Variants in SLC25A21 observed in about 807,000 individuals in gnomAD.
SLC25A21 encodes the protein solute carrier family 25 member 21, also known as mitochondrial 2-oxodicarboxylate carrier.
In SLC25A21, 47 loss-of-function variants were observed where a neutral mutation model predicts 43.8. The observed-to-expected ratio is 1.07, with a 90% CI of 0.85 to 1.37. The LOEUF (loss-of-function observed/expected upper bound fraction) is 1.37, where lower values mean the gene tolerates loss of function less well. SLC25A21 is among the 40% of genes most tolerant of loss of function. SLC25A21 has a pLI of 0.00. For synonymous variants in SLC25A21, 131 were observed against 121.3 expected (o/e 1.08, Z -0.52); for missense variants, 352 against 350.2 (o/e 1.00, Z -0.04).
intron 3 of SLC25A21, among the ~76,000 whole-genome samples, chr14:36,810,238 C>T (rs1260951348): frequency 6.6e-6 from 1 of 152,160 alleles, no homozygotes; most frequent in East Asian, 1.9e-4. Context: ...GCCAATTCCA[C>T]TATGTAAGGA....
Position 36,679,376 on chromosome 14 carries a change from T to G in SLC25A21, c.*1282A>C. On this transcript the variant is annotated 3_prime_UTR_variant, in exon 10 of 10. Transcript: ENST00000331299. ...AAGTAATAATTACCATGTTATCTTTTACTTTTTATTTTCAAAATGCTTTAG... is the reference window on the plus strand; with the variant it reads ...AAGTAATAATTACCATGTTATCTTTGACTTTTTATTTTCAAAATGCTTTAG... 1 of 977,922 alleles carries G rather than the reference T, an allele frequency of 1.0e-6. No homozygotes were observed. The highest frequency in any genetic ancestry group is 1.1e-4 in the East Asian group (1 of 8,768). The allele number at this position is 977,922 out of a possible 1,614,324, so 60.6% of individuals were successfully genotyped here.
At chr14:37,035,506 G>A (rs1314824186) in intron 1 of SLC25A21, among the ~76,000 whole-genome samples, 1 of 152,202 alleles carries the variant, frequency 6.6e-6, no homozygotes, top group Non-Finnish European at 1.5e-5. Context: ...AGTGTCTCTT[G>A]TCTGGGGAGG....
intron 1 of SLC25A21, among the ~76,000 whole-genome samples, chr14:37,142,609 G>A (rs972261456): frequency 2.6e-5 from 4 of 152,166 alleles, no homozygotes; most frequent in African/African-American, 7.2e-5. Context: ...CAATCCTCCC[G>A]AGTAGCTGGG....
intron 1 of SLC25A21, among the ~76,000 whole-genome samples, chr14:37,158,753 A>C (rs903767250): frequency 4.6e-5 from 7 of 152,154 alleles, no homozygotes; most frequent in Non-Finnish European, 2.9e-5. Flanking sequence ...CAAGAGAAAG[A>C]AATAAAAGGC....
intron 1 of SLC25A21, among the ~76,000 whole-genome samples, chr14:36,926,098 A>G (rs1329934922): frequency 2.0e-5 from 3 of 152,132 alleles, no homozygotes; most frequent in African/African-American, 7.2e-5. Flanking sequence ...AAAATAGAAC[A>G]TAGGCTGGAT....
intron 3 of SLC25A21, among the ~76,000 whole-genome samples, chr14:36,782,783 C>T (rs1439952954): frequency 7.5e-6 from 1 of 133,814 alleles, no homozygotes; most frequent in African/African-American, 2.9e-5. Flanking sequence ...AGGGGAATAT[C>T]ACACTCTGGG....
Position 36,680,700 on chromosome 14 carries a change from C to A in SLC25A21, c.858G>T (p.Leu286=), listed in dbSNP as rs1594480895. ...GCCATGAATAGGTGTATTCATAAAC[C>A]AGCAGCATCACTGCACCACCTAGAA... The part of the protein sequence containing the change: ...RLGPGGAVML[L]VYEYTYSWLQ... Residue 286 remains leucine (L), a synonymous_variant, in exon 10 of 10, where the codon CTG becomes CTT. Transcript: ENST00000331299. 6.2e-7 allele frequency: 1 copy of A among 1,612,414 alleles called. No individual in the cohort carries two copies. Among genetic ancestry groups the A allele is most frequent in the East Asian group, 2.2e-5 (1 of 44,778 alleles).
chr14:37,099,852 T>C (rs543076848), intron 1 of SLC25A21, among the ~76,000 whole-genome samples: 9 of 152,186 alleles, frequency 5.9e-5, no homozygotes, highest in African/African-American at 2.2e-4. Flanking sequence ...GGTAAGAACC[T>C]AGGTGTTACT....
At chr14:37,072,601 G>A (rs929069207) in intron 1 of SLC25A21, among the ~76,000 whole-genome samples, 2 of 152,194 alleles carry the variant, frequency 1.3e-5, no homozygotes, top group African/African-American at 4.8e-5. Flanking sequence ...ACAAAACTTA[G>A]TTGGGCGTGG....
intron 1 of SLC25A21, among the ~76,000 whole-genome samples, chr14:37,085,501 C>T (rs1962467203): frequency 6.6e-6 from 1 of 152,158 alleles, no homozygotes; most frequent in Non-Finnish European, 1.5e-5. Context: ...TTTTTCTCAT[C>T]AGTGAGATGA....
At chr14:36,961,042 G>A (rs561014006) in intron 1 of SLC25A21, among the ~76,000 whole-genome samples, 2 of 152,198 alleles carry the variant, frequency 1.3e-5, no homozygotes, top group South Asian at 2.1e-4. Context: ...GGTTTGAGGT[G>A]TTGGTTCTCA....
chr14:36,765,218 T>A (rs1886368922), intron 3 of SLC25A21, among the ~76,000 whole-genome samples: 1 of 152,202 alleles, frequency 6.6e-6, no homozygotes, highest in Non-Finnish European at 1.5e-5. Flanking sequence ...CCAGGCTGCA[T>A]GAAGAGGCCC....
At chr14:36,712,462 G>A (rs1427883710) in intron 6 of SLC25A21, among the ~76,000 whole-genome samples, 1 of 151,948 alleles carries the variant, frequency 6.6e-6, no homozygotes, top group South Asian at 2.1e-4. Context: ...CAGACTAAAA[G>A]TATTTTCTTA....
chr14:36,684,250 T>C (rs1356722730), intron 8 of SLC25A21, among the ~76,000 whole-genome samples: 1 of 152,190 alleles, frequency 6.6e-6, no homozygotes, highest in African/African-American at 2.4e-5. Flanking sequence ...ATGCAGTTTA[T>C]ATCAAAATAA....
intron 1 of SLC25A21, among the ~76,000 whole-genome samples, chr14:36,997,103 G>A (rs1024764123): frequency 3.3e-5 from 5 of 152,098 alleles, no homozygotes; most frequent in Non-Finnish European, 4.4e-5. Flanking sequence ...CAAGGATTAC[G>A]ATGTGGGAAC....
chr14:37,166,839 G>C (rs1016549613), intron 1 of SLC25A21, among the ~76,000 whole-genome samples: 10 of 152,180 alleles, frequency 6.6e-5, no homozygotes, highest in Non-Finnish European at 1.2e-4. Context: ...CAAACAATTA[G>C]TGAGAGGAAA....
intron 1 of SLC25A21, among the ~76,000 whole-genome samples, chr14:36,921,655 G>C (rs973635808): frequency 4.6e-5 from 7 of 152,112 alleles, no homozygotes; most frequent in Admixed American, 3.3e-4. Flanking sequence ...GCAGATTTTG[G>C]AATAGTGGTT....
intron 3 of SLC25A21, among the ~76,000 whole-genome samples, chr14:36,782,691 C>T (rs1170829713): frequency 6.6e-6 from 1 of 151,624 alleles, no homozygotes; most frequent in African/African-American, 2.4e-5. Context: ...TCTCAGTAAA[C>T]TATCGCAAGA....
chr14:36,979,428 T>C (rs1189241798), intron 1 of SLC25A21, among the ~76,000 whole-genome samples: 3 of 151,908 alleles, frequency 2.0e-5, no homozygotes, highest in Non-Finnish European at 4.4e-5. Flanking sequence ...TGATAGTGGC[T>C]CACTGCAGCC....
Sources: allele counts gnomAD v4.1 joint callset (sites outside exome capture counted in the v4.1 genomes callset), GRCh38; gene constraint gnomAD v4.1.1; transcripts MANE v1.5; gene names NCBI Gene and HGNC (gene_info 2026-07-23, HGNC 2026-07-21).